The following ROBO2 variants were observed in gnomAD, a reference collection of about 807,000 sequenced individuals.
ROBO2 encodes the protein roundabout homolog 2.
In ROBO2, 53 loss-of-function variants were observed where a neutral mutation model predicts 160.8. The observed-to-expected ratio is 0.33, with a 90% CI of 0.26 to 0.41. The LOEUF (loss-of-function observed/expected upper bound fraction) is 0.41. ROBO2 is among the 10% of genes least tolerant of loss of function. The pLI is 1.00. For missense variants in ROBO2, 1,577 were observed against 1,722.4 expected, an observed-to-expected ratio of 0.92 and a Z score of 1.49; for synonymous variants, 664 against 611.7, an observed-to-expected ratio of 1.09 and a Z score of -1.26.
intron 2 of ROBO2, among the ~76,000 whole-genome samples, chr3:77,391,180 G>C (rs1458434172): frequency 6.6e-6 from 1 of 152,012 alleles, no homozygotes; most frequent in African/African-American, 2.4e-5. Context: ...AGTTTAGAAA[G>C]GAAGAAGAAG....
rs117775678 is a variant in ROBO2 at position 76,941,338 on chromosome 3, G to A, written c.110-156676G>A. 9.5e-4 allele frequency among the ~76,000 whole-genome samples: 144 copies of A among 152,110 alleles called. 1 individual carries two copies. The East Asian group carries it at 0.027, about 28-fold the overall frequency. ...AATATAAATTTGTTAATTCATCACT[G>A]CATTTTAAATCATTTCAAATGTTTT... is the stretch of plus-strand genomic sequence containing the variant. On this transcript the variant is annotated intron_variant, in intron 2 of 26. Transcript: ENST00000487694.
At chr3:76,105,219 A>T (rs2069869530) in intron 2 of ROBO2, among the ~76,000 whole-genome samples, 1 of 152,172 alleles carries the variant, frequency 6.6e-6, no homozygotes, top group African/African-American at 2.4e-5. Flanking sequence ...CTTTATAAAA[A>T]ATTGTTGGAT....
intron 2 of ROBO2, among the ~76,000 whole-genome samples, chr3:76,511,536 T>C (rs1441025066): frequency 6.6e-6 from 1 of 151,616 alleles, no homozygotes; most frequent in Non-Finnish European, 1.5e-5. Flanking sequence ...TATCTTTAGA[T>C]CAAATAAAGT....
intron 2 of ROBO2, among the ~76,000 whole-genome samples, chr3:76,453,364 G>A (rs539688972): frequency 3.3e-5 from 5 of 152,288 alleles, no homozygotes; most frequent in Non-Finnish European, 7.4e-5. Flanking sequence ...TAAGGTGTAA[G>A]GAAGCGATCC....
chr3:76,799,408 C>A (rs1320802394), intron 2 of ROBO2, among the ~76,000 whole-genome samples: 1 of 151,436 alleles, frequency 6.6e-6, no homozygotes, highest in Non-Finnish European at 1.5e-5. Flanking sequence ...TAAATGCATC[C>A]AAACTGCAAA....
intron 2 of ROBO2, among the ~76,000 whole-genome samples, chr3:76,560,933 GATAT>G (rs10581875): frequency 0.023 from 2,997 of 128,010 alleles, 58 homozygotes; most frequent in East Asian, 0.05. Context: ...TAAGAAGTAA[GATAT>G]ATATATATAT....
In ROBO2 at chr3:76,981,470, T is replaced by C. The variant is rs1472904929; in HGVS notation, c.110-116544T>C. 2.0e-5 allele frequency among the ~76,000 whole-genome samples: 3 copies of C among 152,370 alleles called. No homozygotes were observed. The East Asian group carries it at 5.8e-4, about 29-fold the overall frequency. ...ACTTTCTATGTGTTTATTGTTCATA[T>C]GTATATCTTCTTTGGAGGTATATCT... On this transcript the variant is annotated intron_variant, in intron 2 of 26. Transcript: ENST00000487694.
intron 2 of ROBO2, among the ~76,000 whole-genome samples, chr3:76,717,502 A>G (rs1428190784): frequency 2.0e-5 from 3 of 151,998 alleles, no homozygotes; most frequent in South Asian, 2.1e-4. Context: ...AAAAAAAAAA[A>G]AAAAGAAAAA....
chr3:76,274,221 C>G (rs190240912), intron 2 of ROBO2, among the ~76,000 whole-genome samples: 131 of 152,016 alleles, frequency 8.6e-4, no homozygotes, highest in Admixed American at 2.8e-3. Context: ...TACATACAAC[C>G]AAATCAGTAT....
chr3:76,747,365 C>G (rs1019869791), intron 2 of ROBO2, among the ~76,000 whole-genome samples: 2 of 151,918 alleles, frequency 1.3e-5, no homozygotes, highest in African/African-American at 4.8e-5. Flanking sequence ...GGTATTTTTA[C>G]TGACATATAT....
At chr3:76,945,417 G>C (rs533717104) in intron 2 of ROBO2, among the ~76,000 whole-genome samples, 2 of 150,636 alleles carry the variant, frequency 1.3e-5, no homozygotes, top group African/African-American at 4.8e-5. Flanking sequence ...CATTTGTTAG[G>C]ATATGAATAA....
chr3:77,130,528 C>T (rs116000010), intron 2 of ROBO2, among the ~76,000 whole-genome samples: 8 of 152,252 alleles, frequency 5.3e-5, no homozygotes, highest in Admixed American at 2.6e-4. Flanking sequence ...CAATACTAAA[C>T]GGCAAATTTT....
At chr3:76,006,240 AATTTGTTACT>A (rs1397630356) in intron 2 of ROBO2, among the ~76,000 whole-genome samples, 3 of 152,048 alleles carry the variant, frequency 2.0e-5, no homozygotes, top group Non-Finnish European at 4.4e-5. Context: ...ATTATATTTG[AATTTGTTACT>A]TGAAGTGGAA....
In ROBO2 at chr3:76,161,718, A is replaced by G. The variant is rs374906829; in HGVS notation, c.109+224116A>G. On this transcript the variant is annotated intron_variant, in intron 2 of 26. Coordinates refer to the ROBO2 transcript ENST00000487694. Reference sequence around the variant, plus strand: ...AAATTGCAGCATACAAGTTTTCCCTATGTTCACATGTTTCCCATGGTGTGC... The same window carrying G: ...AAATTGCAGCATACAAGTTTTCCCTGTGTTCACATGTTTCCCATGGTGTGC... 1.0e-3 allele frequency among the ~76,000 whole-genome samples: 155 copies of G among 152,174 alleles called. 4 individuals are homozygous for G. The South Asian group carries it at 0.031, about 31-fold the overall frequency.
chr3:76,670,483 C>A (rs2092224631), intron 2 of ROBO2, among the ~76,000 whole-genome samples: 1 of 151,934 alleles, frequency 6.6e-6, no homozygotes, highest in South Asian at 2.1e-4. Flanking sequence ...ATTTAATATA[C>A]TACATAAAAA....
intron 2 of ROBO2, among the ~76,000 whole-genome samples, chr3:76,834,171 T>TTCTTTCTTTCTCTC (rs755070628): frequency 2.6e-5 from 3 of 117,106 alleles, no homozygotes; most frequent in East Asian, 6.3e-4. Context: ...CTTTCTTTCT[T>TTCTTTCTTTCTCTC]TCTCTCTCTC....
At chr3:77,596,750 G>T in exon 19 of ROBO2, 1 of 1,613,090 alleles carries the variant, frequency 6.2e-7, no homozygotes, top group South Asian at 1.1e-5. Flanking sequence ...TGGCCGTGGA[G>T]GTAAGTTGTG....
At chr3:77,147,279 T>A (rs1038965231) in intron 2 of ROBO2, among the ~76,000 whole-genome samples, 1 of 152,182 alleles carries the variant, frequency 6.6e-6, no homozygotes, top group Admixed American at 6.5e-5. Flanking sequence ...AGTTCTTTAA[T>A]CTGCCTGAAG....
chr3:76,837,012 CATATT>C (rs140030057), intron 2 of ROBO2, among the ~76,000 whole-genome samples: 16,140 of 151,544 alleles, frequency 0.11, 1,023 homozygotes, highest in East Asian at 0.23. Context: ...TGTGAAATTG[CATATT>C]ATATTATATA....
Sources: allele counts gnomAD v4.1 joint callset (sites outside exome capture counted in the v4.1 genomes callset), GRCh38; gene constraint gnomAD v4.1.1; transcripts MANE v1.5; gene names NCBI Gene and HGNC (gene_info 2026-07-23, HGNC 2026-07-21).